The following SLC4A10 variants were observed in gnomAD, a reference collection of about 807,000 sequenced individuals.
SLC4A10 encodes the protein solute carrier family 4 member 10.
A neutral mutation model predicts 137.7 loss-of-function variants in SLC4A10; 42 were observed. The ratio of observed to expected loss-of-function variants is 0.30; its 90% CI spans 0.24 to 0.39. The LOEUF is 0.39. SLC4A10 is among the 10% of genes least tolerant of loss of function. The pLI is 1.00. For missense variants in SLC4A10, 925 were observed against 1,355.0 expected (o/e 0.68, Z 4.98); for synonymous variants, 474 against 464.1 (o/e 1.02, Z -0.27).
At chr2:161,764,625 T>A (rs1047903470) in intron 1 of SLC4A10, among the ~76,000 whole-genome samples, 14 of 152,142 alleles carry the variant, frequency 9.2e-5, no homozygotes, top group Non-Finnish European at 1.5e-5. Context: ...TTACAGTAAA[T>A]CAGAATAATG....
At chr2:161,888,818 T>A (rs1254074343) in intron 10 of SLC4A10, among the ~76,000 whole-genome samples, 2 of 152,196 alleles carry the variant, frequency 1.3e-5, no homozygotes, top group African/African-American at 2.4e-5. Flanking sequence ...CTTCCAATAC[T>A]ATGTTGGATA....
intron 1 of SLC4A10, among the ~76,000 whole-genome samples, chr2:161,690,684 CAG>C (rs1559038161): frequency 6.6e-6 from 1 of 152,128 alleles, no homozygotes; most frequent in Non-Finnish European, 1.5e-5. Flanking sequence ...TAAACTAAAA[CAG>C]GAGCAGAAAA....
chr2:161,924,333 A>G (rs1316105077), intron 15 of SLC4A10, among the ~76,000 whole-genome samples: 1 of 152,124 alleles, frequency 6.6e-6, no homozygotes, highest in Non-Finnish European at 1.5e-5. Flanking sequence ...AGTAGTCAGA[A>G]GTCTTCTTTG....
At chr2:161,651,713 C>T (rs1296497006) in intron 1 of SLC4A10, among the ~76,000 whole-genome samples, 3 of 152,224 alleles carry the variant, frequency 2.0e-5, no homozygotes, top group Non-Finnish European at 2.9e-5. Context: ...CTTGTGCCGG[C>T]GCCTGGAGCT....
rs76748539 is a variant in SLC4A10, at chr2:161,661,245, T to C, written c.48+36679T>C. On this transcript the variant is annotated intron_variant, in intron 1 of 26. Coordinates refer to ENST00000446997, the MANE Select transcript of SLC4A10 (RefSeq NM_001178015.2). ...ATCCCAGCACTTTGGGAGGCTGAGG[T>C]GGGCGAATCACAAGGTCAAGAGATC... is the stretch of plus-strand genomic sequence containing the variant. 7.9e-5 allele frequency among the ~76,000 whole-genome samples: 12 copies of C among 152,088 alleles called. No individual in the cohort carries two copies. In the East Asian group the frequency reaches 1.9e-3, roughly 25 times the overall value.
chr2:161,658,678 C>T (rs1397269873), intron 1 of SLC4A10, among the ~76,000 whole-genome samples: 5 of 150,728 alleles, frequency 3.3e-5, no homozygotes, highest in Admixed American at 2.7e-4. Flanking sequence ...ACTGCAACCT[C>T]TGCCCCCTGG....
intron 1 of SLC4A10, among the ~76,000 whole-genome samples, chr2:161,640,643 TC>T (rs760965954): frequency 0.016 from 2,304 of 144,668 alleles, 83 homozygotes; most frequent in Middle Eastern, 0.039. Context: ...CTTCCTTCCT[TC>T]CTTCCTTCCT....
At chr2:161,960,169 T>C (rs1478288741) in intron 21 of SLC4A10, among the ~76,000 whole-genome samples, 12 of 151,218 alleles carry the variant, frequency 7.9e-5, no homozygotes, top group African/African-American at 2.7e-4. Flanking sequence ...ATCGAGAACA[T>C]CCTGGCCAGC....
chr2:161,930,043 C>T (rs1218686181), intron 15 of SLC4A10, among the ~76,000 whole-genome samples: 2 of 152,132 alleles, frequency 1.3e-5, no homozygotes, highest in East Asian at 3.9e-4. Flanking sequence ...GCTACCTGGT[C>T]TTTCTTGGAA....
At chr2:161,834,877 C>G (rs1365738946) in intron 3 of SLC4A10, among the ~76,000 whole-genome samples, 1 of 152,078 alleles carries the variant, frequency 6.6e-6, no homozygotes, top group African/African-American at 2.4e-5. Flanking sequence ...ATTATCTGAA[C>G]TGAACTGAGA....
At chr2:161,911,121 T>C (rs533951773) in intron 15 of SLC4A10, among the ~76,000 whole-genome samples, 9 of 151,976 alleles carry the variant, frequency 5.9e-5, no homozygotes, top group Admixed American at 5.9e-4. Flanking sequence ...TGATACTTAA[T>C]GTATACTGAT....
In SLC4A10 at chr2:161,804,459, A is replaced by C. The variant is rs1203622173; in HGVS notation, c.141A>C (p.Thr47=). 6.2e-7 allele frequency: 1 copy of C among 1,611,392 alleles called. No individual in the cohort carries two copies. The highest frequency in any genetic ancestry group is 8.5e-7 in the Non-Finnish European group (1 of 1,178,414). The change falls in exon 3 of 27, where the codon ACA becomes ACC. Residue 47 remains threonine, a synonymous_variant. Coordinates refer to ENST00000446997, the MANE Select transcript of SLC4A10 (RefSeq NM_001178015.2). ...TGCTTCCTTATGAAGGTCATCGAAC[A>C]CTATTTATTGGAGTACATGTGCCCT... The part of the protein sequence containing the change: ...FEKEDLEGHR[T]LFIGVHVPLG...
At chr2:161,816,961 G>A (rs1187828275) in intron 3 of SLC4A10, among the ~76,000 whole-genome samples, 1 of 152,084 alleles carries the variant, frequency 6.6e-6, no homozygotes, top group Non-Finnish European at 1.5e-5. Context: ...TGTCTTTATG[G>A]CAGCATGATT....
At chr2:161,630,884 G>T (rs1479371576) in intron 1 of SLC4A10, among the ~76,000 whole-genome samples, 2 of 151,504 alleles carry the variant, frequency 1.3e-5, no homozygotes, top group Non-Finnish European at 3.0e-5. Flanking sequence ...GCTAAGCTAG[G>T]ATTTGAAAAT....
rs138062618 is a variant in SLC4A10 at position 161,881,915 on chromosome 2, T to G, written c.1107-442T>G. 2.0e-5 allele frequency among the ~76,000 whole-genome samples: 3 copies of G among 152,100 alleles called. No homozygotes were observed. In the East Asian group the frequency reaches 5.8e-4, roughly 29 times the overall value. ...GCACATACACCTACTGTTTTTTGAC[T>G]CTATATTTTCTCTGTTTTGCTACTG... On this transcript the variant is annotated intron_variant, in intron 9 of 26. Transcript: ENST00000446997.
chr2:161,748,513 T>A (rs1315519658), intron 1 of SLC4A10, among the ~76,000 whole-genome samples: 1 of 151,868 alleles, frequency 6.6e-6, no homozygotes, highest in East Asian at 1.9e-4. Context: ...TGCATGTGGA[T>A]ATTCTACCAT....
chr2:161,724,523 A>G (rs2046022004), intron 1 of SLC4A10, among the ~76,000 whole-genome samples: 1 of 152,178 alleles, frequency 6.6e-6, no homozygotes, highest in Non-Finnish European at 1.5e-5. Context: ...AACAAGATAG[A>G]TATAATCTTT....
At position 161,963,868 on chromosome 2, in the gene SLC4A10, A is replaced by G. The variant is rs78445134; in HGVS notation, c.2863-267A>G. 6.1e-4 allele frequency among the ~76,000 whole-genome samples: 93 copies of G among 152,310 alleles called. 1 individual carries two copies. In the East Asian group the frequency reaches 0.015, roughly 25 times the overall value. ...CAGGGCTCCACTCTTCAAGGTAGCA[A>G]TATTTAACATTGGCTTTCTATTTTT... On this transcript the variant is annotated intron_variant, in intron 21 of 26. Transcript: ENST00000446997.
chr2:161,982,860 A>G (rs1241246405), intron 26 of SLC4A10, among the ~76,000 whole-genome samples: 1 of 152,160 alleles, frequency 6.6e-6, no homozygotes, highest in African/African-American at 2.4e-5. Flanking sequence ...ATTTTCAACT[A>G]TCATCAGTGA....
Sources: allele counts gnomAD v4.1 joint callset (sites outside exome capture counted in the v4.1 genomes callset), GRCh38; gene constraint gnomAD v4.1.1; transcripts MANE v1.5; gene names NCBI Gene and HGNC (gene_info 2026-07-23, HGNC 2026-07-21).